Variants in UMOD observed in about 807,000 individuals in gnomAD.
UMOD encodes Tamm-Horsfall urinary glycoprotein.
In UMOD, 64 loss-of-function variants were observed where a neutral mutation model predicts 66.0. That is an observed-to-expected ratio of 0.97 (90% CI 0.79 to 1.19). UMOD has a LOEUF of 1.19. Ranked by LOEUF, UMOD falls within the 50% of genes most tolerant of loss-of-function variation. UMOD has a pLI of 0.00. For missense variants in UMOD, 764 were observed against 850.9 expected, an observed-to-expected ratio of 0.90 and a Z score of 1.27; for synonymous variants, 398 against 352.7, an observed-to-expected ratio of 1.13 and a Z score of -1.44.
chr16:20,339,771 C>G (rs1230823691), intron 7 of UMOD, among the ~76,000 whole-genome samples: 1 of 152,210 alleles, frequency 6.6e-6, no homozygotes, highest in African/African-American at 2.4e-5. Flanking sequence ...TTGGCCCTCC[C>G]CCTTTAGAAT....
intron 5 of UMOD, 23 bp from the exon 6 acceptor site, chr16:20,344,195 A>AGGGGAAGGGGGGGGGG: frequency 1.8e-6 from 1 of 562,568 alleles, no homozygotes; most frequent in African/African-American, 3.3e-5. Context: ...ATGGGGGTGG[A>AGGGGAAGGGGGGGGGG]GGGGGGGTGG....
intron 6 of UMOD, among the ~76,000 whole-genome samples, chr16:20,343,397 A>T (rs569476398): frequency 1.3e-5 from 2 of 152,340 alleles, no homozygotes; most frequent in East Asian, 3.9e-4. Flanking sequence ...CTTTAATCAA[A>T]TTCCTTTCAT....
upstream of UMOD, among the ~76,000 whole-genome samples, chr16:20,353,112 CA>C (rs1965967700): frequency 6.6e-6 from 1 of 152,164 alleles, no homozygotes; most frequent in Non-Finnish European, 1.5e-5. Flanking sequence ...TGCATAAGGA[CA>C]AAAGGGATAT....
intron 9 of UMOD, among the ~76,000 whole-genome samples, chr16:20,336,385 A>G (rs981073860): frequency 6.6e-6 from 1 of 152,224 alleles, no homozygotes; most frequent in Admixed American, 6.5e-5. Flanking sequence ...TGTCTGGATG[A>G]TCTACATTCC....
chr16:20,351,941 C>T (rs1327450238), intron 1 of UMOD, among the ~76,000 whole-genome samples: 1 of 151,000 alleles, frequency 6.6e-6, no homozygotes, highest in Non-Finnish European at 1.5e-5. Context: ...TTGCTTGAAC[C>T]TGGGAGGCAG....
Position 20,344,127 on chromosome 16 carries a change from C to A in UMOD, c.1228G>T (p.Asp410Tyr), listed in dbSNP as rs531388215. The A allele has an allele frequency of 3.2e-6, 5 of 1,575,412 alleles. No homozygotes were observed. In the South Asian group the frequency reaches 4.4e-5, roughly 14 times the overall value. Residue 410 changes from aspartate to tyrosine, a missense_variant, in exon 6 of 11, where the codon GAT becomes TAT. Transcript: ENST00000396138. ...ATYSNTLYLA[D>Y]EIIIRDLNIK... ...TTGAGGTCACGGATGATGATCTCATCTGCCAGGTAGAGGGTGTTGCTGTAA... is the reference window on the plus strand; with the variant it reads ...TTGAGGTCACGGATGATGATCTCATATGCCAGGTAGAGGGTGTTGCTGTAA...
At position 20,344,091 on chromosome 16, in the gene UMOD, T is replaced by C; in HGVS notation, c.1264A>G (p.Asn422Asp). Reference protein sequence around the residue: ...IIIRDLNIKINFACSYPLDMK... With the variant: ...IIIRDLNIKIDFACSYPLDMK... Reference sequence around the variant, plus strand: ...TCCAGGGGGTAGGAGCATGCAAAGTTGATTTTGATGTTGAGGTCACGGATG... The same window carrying C: ...TCCAGGGGGTAGGAGCATGCAAAGTCGATTTTGATGTTGAGGTCACGGATG... The change falls in exon 6 of 11, where the codon AAC (asparagine) becomes GAC (aspartate). Residue 422 changes from asparagine to aspartate, a missense_variant. By Grantham distance (23) the Asn-to-Asp change is conservative. Transcript: ENST00000396138. The C allele has an allele frequency of 1.2e-6, 2 of 1,613,420 alleles. No individual in the cohort carries two copies. The highest frequency in any genetic ancestry group is 8.5e-7 in the Non-Finnish European group (1 of 1,179,958).
In UMOD at chr16:20,344,070, G is replaced by C; in HGVS notation, c.1285C>G (p.Leu429Val). The C allele has an allele frequency of 6.2e-7, 1 of 1,614,012 alleles. No individual in the cohort carries two copies. Residue 429 changes from leucine (L) to valine (V), a missense_variant, in exon 6 of 11, where the codon CTG becomes GTG. Leu to Val is a conservative substitution (Grantham distance 32, BLOSUM62 1). Coordinates refer to ENST00000396138, the MANE Select transcript of UMOD (RefSeq NM_003361.4). Reference sequence around the variant, plus strand: ...GTCTTCAGGCTGACTTTCATGTCCAGGGGGTAGGAGCATGCAAAGTTGATT... The same window carrying C: ...GTCTTCAGGCTGACTTTCATGTCCACGGGGTAGGAGCATGCAAAGTTGATT... Reference protein sequence around the residue: ...IKINFACSYPLDMKVSLKTAL... With the variant: ...IKINFACSYPVDMKVSLKTAL...
rs1373478874 is a variant in UMOD at position 20,335,570 on chromosome 16, G to A, written c.1823-50C>T. 6 of 1,582,652 alleles carry A rather than the reference G, an allele frequency of 3.8e-6. No individual in the cohort carries two copies. The African/African-American group carries it at 5.4e-5, about 14-fold the overall frequency. Reference sequence around the variant, plus strand: ...GTGAATAAAGAATGCATGAGATTTGGCAAGCATCCTGACAGAAACCCCTTC... The same window carrying A: ...GTGAATAAAGAATGCATGAGATTTGACAAGCATCCTGACAGAAACCCCTTC... On this transcript the variant is annotated intron_variant, in intron 9 of 10. Coordinates refer to ENST00000396138, the MANE Select transcript of UMOD (RefSeq NM_003361.4).
intron 7 of UMOD, among the ~76,000 whole-genome samples, chr16:20,339,207 C>T (rs147902589): frequency 6.6e-6 from 1 of 152,260 alleles, no homozygotes; most frequent in East Asian, 1.9e-4. Context: ...ACCCAAATCT[C>T]TGTGATACTC....
chr16:20,335,228 T>C (rs1408567298), intron 10 of UMOD, among the ~76,000 whole-genome samples: 1 of 152,160 alleles, frequency 6.6e-6, no homozygotes, highest in Admixed American at 6.5e-5. Context: ...GCATATCCTT[T>C]GGGTTTGTAA....
At chr16:20,351,470 GC>G in intron 1 of UMOD, 1 of 156,294 alleles carries the variant, frequency 6.4e-6, no homozygotes. Flanking sequence ...AAATAGGGTG[GC>G]ATGTTGGTTA....
intron 7 of UMOD, among the ~76,000 whole-genome samples, chr16:20,339,369 T>A (rs1217611741): frequency 2.0e-5 from 3 of 152,258 alleles, no homozygotes; most frequent in Non-Finnish European, 4.4e-5. Flanking sequence ...TTTACTGAAA[T>A]ACATTTACTT....
Position 20,337,015 on chromosome 16 carries a change from A to G in UMOD, c.1740+276T>C, listed in dbSNP as rs546535742. ...CTGTGAAGCATTAAAAGCTAACACAAATAAAGTGGGCACAGTGCTTAAAAA... is the reference window on the plus strand; with the variant it reads ...CTGTGAAGCATTAAAAGCTAACACAGATAAAGTGGGCACAGTGCTTAAAAA... On this transcript the variant is annotated intron_variant, in intron 8 of 10. Transcript: ENST00000396138. 4.6e-5 allele frequency among the ~76,000 whole-genome samples: 7 copies of G among 152,312 alleles called. No individual in the cohort carries two copies. The East Asian group carries it at 1.2e-3, about 25-fold the overall frequency.
chr16:20,337,426 G>C lies in UMOD; in HGVS notation c.1605C>G (p.Ile535Met). The change falls in exon 8 of 11, where the codon ATC becomes ATG. Residue 535 changes from isoleucine (I) to methionine (M), a missense_variant. Transcript: ENST00000396138. The stretch of plus-strand genomic sequence containing the variant: ...AGGACTCCCCATTCTCCACCACTTG[G>C]ATAGTTGAGTCTCTAGTGTGTGGGC... The part of the protein sequence containing the change: ...DRCPHTRDST[I>M]QVVENGESSQ... The C allele has an allele frequency of 6.2e-7, 1 of 1,614,204 alleles. No homozygotes were observed. The highest frequency in any genetic ancestry group is 8.5e-7 in the Non-Finnish European group (1 of 1,180,038).
chr16:20,348,664 T>A lies in UMOD; in HGVS notation c.637A>T (p.Met213Leu). 1 of 1,558,084 alleles carries A rather than the reference T, an allele frequency of 6.4e-7. No homozygotes were observed. Among genetic ancestry groups the A allele is most frequent in the South Asian group, 1.2e-5 (1 of 85,404 alleles). Reference protein sequence around the residue: ...YRFVGQGGARMAETCVPVLRC... With the variant: ...YRFVGQGGARLAETCVPVLRC... ...AGGACTGGCACGCAGGTCTCGGCCA[T>A]GCGCGCACCGCCCTGGCCCACGAAG... The change falls in exon 3 of 11, where the codon ATG becomes TTG. Residue 213 changes from methionine (M) to leucine (L), a missense_variant. Coordinates refer to ENST00000396138, the MANE Select transcript of UMOD (RefSeq NM_003361.4).
chr16:20,348,083 G>C lies in UMOD; in HGVS notation c.973+140C>G, dbSNP rs534994866. 1.5e-5 allele frequency: 12 copies of C among 804,436 alleles called. No homozygotes were observed. In the East Asian group the frequency reaches 2.7e-4, roughly 18 times the overall value. The allele number at this position is 804,436 out of a possible 1,614,324, so 49.8% of individuals were successfully genotyped here. A position where few individuals can be genotyped will look rare whatever the true frequency, so the allele number is the denominator to read the frequency against. ...TTGCCGGCTTTAATGGGTATTAGTG[G>C]ATCTTCTGTTTTCACTCAGGTTGGA... On this transcript the variant is annotated intron_variant, in intron 4 of 10. Coordinates refer to ENST00000396138, the MANE Select transcript of UMOD (RefSeq NM_003361.4).
chr16:20,342,083 G>A (rs969203321), intron 6 of UMOD, among the ~76,000 whole-genome samples: 5 of 152,226 alleles, frequency 3.3e-5, no homozygotes, highest in Non-Finnish European at 2.9e-5. Context: ...TGTGGCTCAC[G>A]CCTGTAATCC....
intron 5 of UMOD, among the ~76,000 whole-genome samples, chr16:20,344,379 G>C (rs1431344163): frequency 6.6e-6 from 1 of 152,112 alleles, no homozygotes; most frequent in Non-Finnish European, 1.5e-5. Context: ...GAGGCAGGCG[G>C]ATCACCTGAG....
Sources: allele counts gnomAD v4.1 joint callset (sites outside exome capture counted in the v4.1 genomes callset), GRCh38; gene constraint gnomAD v4.1.1; transcripts MANE v1.5; gene names NCBI Gene and HGNC (gene_info 2026-07-23, HGNC 2026-07-21).